GGA1: variants seen among roughly 807,000 people sequenced by gnomAD.
GGA1 encodes golgi associated, gamma adaptin ear containing, ARF binding protein 1, also known as ADP-ribosylation factor-binding protein GGA1.
Under a neutral mutation model 76.9 loss-of-function variants are expected in GGA1, and 18 were observed. That is an observed-to-expected ratio of 0.23 (90% CI 0.16 to 0.35). GGA1 has a LOEUF of 0.35. Ranked by LOEUF, GGA1 falls within the 10% of genes least tolerant of loss-of-function variation. The probability of loss-of-function intolerance (pLI) is 1.00; values close to 1 mark genes in which losing one functional copy is unlikely to be tolerated. For synonymous variants in GGA1, 342 were observed against 354.7 expected (o/e 0.96, Z 0.40); for missense variants, 755 against 859.0 (o/e 0.88, Z 1.51).
At chr22:37,613,627 C>G (rs1928172756) in intron 1 of GGA1, among the ~76,000 whole-genome samples, 1 of 151,958 alleles carries the variant, frequency 6.6e-6, no homozygotes, top group African/African-American at 2.4e-5. Flanking sequence ...TCTTGATCTC[C>G]TGACCTCGTG....
rs541745023 is a variant in GGA1, at chr22:37,623,770, T to C, written c.832+137T>C. 4.4e-5 allele frequency: 28 copies of C among 643,130 alleles called. No homozygotes were observed. The African/African-American group carries it at 4.6e-4, about 10-fold the overall frequency. The allele number at this position is 643,130 out of a possible 1,614,324, so 39.8% of individuals were successfully genotyped here. ...GGGCCCCCTTCTCCAGCACCGACCT[T>C]GGGTTTCTCCTCTCTGAGGACACAG... On this transcript the variant is annotated intron_variant, in intron 9 of 16. Coordinates refer to ENST00000343632, the MANE Select transcript of GGA1 (RefSeq NM_013365.5). This position sits in a 1 kb window ranked among gnomAD's most constrained non-coding sequence, Gnocchi z 4.6.
intron 13 of GGA1, 43 bp from the exon 14 acceptor site, chr22:37,630,860 G>A (rs778359948): frequency 1.3e-5 from 19 of 1,429,342 alleles, no homozygotes; most frequent in East Asian, 2.3e-5. Flanking sequence ...GAGCTACCAC[G>A]CTGGCCAAGA....
In GGA1 at chr22:37,623,617, C is replaced by G; in HGVS notation, c.816C>G (p.Asp272Glu). ...TLFRLASDTEDNDEALAEILQ... is the reference protein window; with the variant it reads ...TLFRLASDTEENDEALAEILQ... ...TCCGACTGGCGAGTGACACAGAGGA[C>G]AATGATGAGGCCTTAGGTGAGCCCA... Residue 272 changes from aspartate to glutamate, a missense_variant, in exon 9 of 17, where the codon GAC (aspartate) becomes GAG (glutamate). Coordinates refer to ENST00000343632, the MANE Select transcript of GGA1 (RefSeq NM_013365.5). This position sits in a 1 kb window ranked among gnomAD's most constrained non-coding sequence, Gnocchi z 4.6. The G allele has an allele frequency of 6.3e-7, 1 of 1,587,098 alleles. No individual in the cohort carries two copies. Among genetic ancestry groups the G allele is most frequent in the Non-Finnish European group, 8.6e-7 (1 of 1,166,270 alleles).
rs1306264006 is a variant in GGA1, at chr22:37,620,297, C to G, written c.363C>G (p.Ser121Arg). The G allele has an allele frequency of 6.2e-7, 1 of 1,613,838 alleles. No homozygotes were observed. Among genetic ancestry groups the G allele is most frequent in the East Asian group, 2.2e-5 (1 of 44,880 alleles). Residue 121 changes from serine to arginine, a missense_variant, in exon 5 of 17, where the codon AGC (serine) becomes AGG (arginine). By Grantham distance (110) the Ser-to-Arg change is moderately radical. Coordinates refer to ENST00000343632, the MANE Select transcript of GGA1 (RefSeq NM_013365.5). ...VKNKILELLY[S>R]WTVGLPEEVK... is the part of the protein sequence containing the mutation. ...ACAAGATCTTGGAGCTCCTCTACAG[C>G]TGGACAGTGGGCCTGCCCGAGGAGG...
chr22:37,612,190 C>T (rs1336481381), intron 1 of GGA1, among the ~76,000 whole-genome samples: 7 of 150,686 alleles, frequency 4.6e-5, no homozygotes, highest in African/African-American at 1.5e-4. Flanking sequence ...ACAGGCCGGA[C>T]GCAGTGGCTC....
chr22:37,629,814 T>G (rs2071767), intron 12 of GGA1, among the ~76,000 whole-genome samples, 184 bp from the exon 13 acceptor site: 21,431 of 152,168 alleles, frequency 0.14, 3,768 homozygotes, highest in African/African-American at 0.41. Flanking sequence ...GGTCCCTGGA[T>G]TGTAGAACCC....
intron 11 of GGA1, chr22:37,627,013 T>C (rs1447873470): frequency 6.6e-6 from 1 of 152,088 alleles, no homozygotes; most frequent in East Asian, 1.9e-4. Flanking sequence ...AATACAAAAT[T>C]AGCTGGGCGT....
chr22:37,632,566 C>T lies in GGA1; in HGVS notation c.1810-35C>T, dbSNP rs1932017046. On this transcript the variant is annotated intron_variant, in intron 16 of 16. Transcript: ENST00000343632. The surrounding 1 kb of genome is among the most constrained non-coding windows in gnomAD (Gnocchi z 5.1). ...AGGGTGGGGACGGCCACTTCTCCTC[C>T]TCTGACCCCTCTGCCTTTGCCATCT... 1.3e-5 allele frequency: 21 copies of T among 1,584,188 alleles called. No homozygotes were observed. The highest frequency in any genetic ancestry group is 1.7e-5 in the Non-Finnish European group (20 of 1,153,014).
At chr22:37,631,658 C>T (rs371989163) in intron 14 of GGA1, among the ~76,000 whole-genome samples, 1 of 152,196 alleles carries the variant, frequency 6.6e-6, no homozygotes, top group Non-Finnish European at 1.5e-5. Flanking sequence ...GAGTGACTGC[C>T]GCAAGGTCAC....
chr22:37,621,700 G>A lies in GGA1; in HGVS notation c.609+4G>A, dbSNP rs1269788277. The A allele has an allele frequency of 7.1e-6, 11 of 1,551,338 alleles. No individual in the cohort carries two copies. The highest frequency in any genetic ancestry group is 9.6e-6 in the Non-Finnish European group (11 of 1,145,584). ...CATCAAAGAGATGGTGCAGGAGGTAGCGGCCGAGCCCAGAGCACAGGGAGG... is the reference window on the plus strand; with the variant it reads ...CATCAAAGAGATGGTGCAGGAGGTAACGGCCGAGCCCAGAGCACAGGGAGG... On this transcript the variant is annotated splice_donor_region_variant and intron_variant, in intron 7 of 16. Transcript: ENST00000343632.
At chr22:37,608,954 C>T in intron 1 of GGA1, 51 bp downstream of exon 1, 1 of 1,322,674 alleles carries the variant, frequency 7.6e-7, no homozygotes, top group East Asian at 3.2e-5. Context: ...ACCGGGGGCA[C>T]GAGGCGGGCC....
chr22:37,630,768 A>C (rs572133991), intron 13 of GGA1, 135 bp from the exon 14 acceptor site: 2 of 643,406 alleles, frequency 3.1e-6, no homozygotes, highest in Non-Finnish European at 5.5e-6. Flanking sequence ...GGGTTTCGCC[A>C]TGTTGCCCAG....
Position 37,616,913 on chromosome 22 carries a change from C to T in GGA1, c.129-9C>T, listed in dbSNP as rs758969663. ...GCGACTCTGGCTCTGTGTTGTTCCT[C>T]CCACCCAGGCCTCCACTCGCCACCC... On this transcript the variant is annotated splice_polypyrimidine_tract_variant and intron_variant, in intron 2 of 16. Transcript: ENST00000343632. 17 of 1,599,234 alleles carry T rather than the reference C, an allele frequency of 1.1e-5. No individual in the cohort carries two copies. The highest frequency in any genetic ancestry group is 4.5e-5 in the South Asian group (4 of 88,780).
intron 6 of GGA1, 136 bp downstream of exon 6, chr22:37,621,049 C>T (rs1402748433): frequency 9.0e-6 from 6 of 669,476 alleles, no homozygotes; most frequent in Admixed American, 4.3e-5. Context: ...AGATGATGGG[C>T]GCTGTTTACT....
At chr22:37,627,241 G>A (rs1931011300) in intron 11 of GGA1, 1 of 152,266 alleles carries the variant, frequency 6.6e-6, no homozygotes, top group Admixed American at 6.5e-5. Context: ...GCTGGGCTCT[G>A]ATCCTGAAGC....
At chr22:37,618,830 C>T (rs1929300615) in intron 4 of GGA1, among the ~76,000 whole-genome samples, 1 of 152,200 alleles carries the variant, frequency 6.6e-6, no homozygotes, top group African/African-American at 2.4e-5. Context: ...CCAGGGAATA[C>T]ATAAGCTGAC....
rs1930355527 is a variant in GGA1, at chr22:37,623,939, A to T, written c.832+306A>T. Reference sequence around the variant, plus strand: ...GGGAGGAAAATGACTTGCCCAGATCACAGAGCAGAACAGTGGCAGAGCCAG... The same window carrying T: ...GGGAGGAAAATGACTTGCCCAGATCTCAGAGCAGAACAGTGGCAGAGCCAG... On this transcript the variant is annotated intron_variant, in intron 9 of 16. Coordinates refer to ENST00000343632, the MANE Select transcript of GGA1 (RefSeq NM_013365.5). The surrounding 1 kb of genome is among the most constrained non-coding windows in gnomAD (Gnocchi z 4.6). 2.9e-6 allele frequency: 1 copy of T among 343,208 alleles called. No individual in the cohort carries two copies. The highest frequency in any genetic ancestry group is 4.4e-5 in the Admixed American group (1 of 22,984). The allele number at this position is 343,208 out of a possible 1,614,324, so 21.3% of individuals were successfully genotyped here.
chr22:37,612,759 G>A (rs1428919903), intron 1 of GGA1: 8 of 227,794 alleles, frequency 3.5e-5, no homozygotes, highest in South Asian at 1.6e-4. Flanking sequence ...GGGCAACAGC[G>A]TGAGACTCGT....
At chr22:37,616,554 C>G (rs1019796736) in intron 2 of GGA1, among the ~76,000 whole-genome samples, 1 of 152,098 alleles carries the variant, frequency 6.6e-6, no homozygotes, top group African/African-American at 2.4e-5. Context: ...TGTGTCTGCC[C>G]GTCTCTCATG....
Sources: allele counts gnomAD v4.1 joint callset (sites outside exome capture counted in the v4.1 genomes callset), GRCh38; gene constraint gnomAD v4.1.1; non-coding constraint Gnocchi (gnomAD v3.1); transcripts MANE v1.5; gene names NCBI Gene and HGNC (gene_info 2026-07-23, HGNC 2026-07-21).